The following COMMD7 variants were observed in gnomAD, a reference collection of about 807,000 sequenced individuals.
COMMD7 encodes the protein COMM domain containing 7.
COMMD7 carries 28 observed loss-of-function variants against 34.8 expected under a neutral mutation model. The ratio of observed to expected loss-of-function variants is 0.80; its 90% CI spans 0.60 to 1.10. The LOEUF (loss-of-function observed/expected upper bound fraction) is 1.10. Among genes scored for constraint, COMMD7 ranks in the 50% least tolerant of loss-of-function variants. The pLI is 0.00. For missense variants in COMMD7, 211 were observed against 241.6 expected (o/e 0.87, Z 0.84); for synonymous variants, 80 against 86.4 (o/e 0.93, Z 0.41).
intron 1 of COMMD7, among the ~76,000 whole-genome samples, chr20:32,741,133 A>C (rs1247385614): frequency 7.0e-6 from 1 of 143,320 alleles, no homozygotes; most frequent in Non-Finnish European, 1.5e-5. Flanking sequence ...ACAGAGGAAG[A>C]CTCCGTCTAA....
At chr20:32,727,816 T>C (rs1168249867) in intron 3 of COMMD7, 77 bp downstream of exon 3, 13 of 1,218,540 alleles carry the variant, frequency 1.1e-5, no homozygotes, top group Non-Finnish European at 1.6e-5. Context: ...CCACGGAGCA[T>C]GCTTCAATGA....
chr20:32,738,190 G>A (rs1193406521), intron 1 of COMMD7, among the ~76,000 whole-genome samples: 1 of 152,072 alleles, frequency 6.6e-6, no homozygotes, highest in East Asian at 1.9e-4. Context: ...CAATGCCATG[G>A]TCATAGCTCA....
At chr20:32,737,947 TAAA>T (rs34007684) in intron 1 of COMMD7, among the ~76,000 whole-genome samples, 3 of 144,664 alleles carry the variant, frequency 2.1e-5, no homozygotes. Context: ...TCCAGTATCT[TAAA>T]AAAAAAAAAA....
chr20:32,714,508 T>C (rs375610543), intron 3 of COMMD7, among the ~76,000 whole-genome samples: 6 of 150,962 alleles, frequency 4.0e-5, no homozygotes, highest in African/African-American at 1.5e-4. Context: ...GCCAATATGG[T>C]GAAACCCCGT....
chr20:32,728,889 C>A (rs1985678954), intron 1 of COMMD7, among the ~76,000 whole-genome samples: 1 of 152,062 alleles, frequency 6.6e-6, no homozygotes, highest in African/African-American at 2.4e-5. Flanking sequence ...GTTCCCCCCA[C>A]CCATAAACAT....
chr20:32,731,856 A>T (rs1042137390), intron 1 of COMMD7, among the ~76,000 whole-genome samples: 3 of 152,164 alleles, frequency 2.0e-5, no homozygotes, highest in South Asian at 4.1e-4. Context: ...AATCTTAAGG[A>T]TTCTCCCCAG....
chr20:32,725,510 A>G (rs1392341029), intron 3 of COMMD7, among the ~76,000 whole-genome samples: 1 of 148,798 alleles, frequency 6.7e-6, no homozygotes, highest in African/African-American at 2.5e-5. Context: ...CTCACTGCAA[A>G]CTCCGCCTCC....
chr20:32,743,326 C>T lies in COMMD7; in HGVS notation c.66G>A (p.Leu22=). Residue 22 remains leucine (L), a synonymous_variant, in exon 1 of 9, where the codon CTG becomes CTA. Transcript: ENST00000278980. ...GGCCCACCTGCGCGCCCAGCTGGTTCAGCTGCTGCATGTCGCCGCCCACGG... is the reference window on the plus strand; with the variant it reads ...GGCCCACCTGCGCGCCCAGCTGGTTTAGCTGCTGCATGTCGCCGCCCACGG... ...PEAVGGDMQQ[L]NQLGAQQFSA... is the part of the protein sequence containing the mutation. 1 of 1,498,980 alleles carries T rather than the reference C, an allele frequency of 6.7e-7. No individual in the cohort carries two copies. The highest frequency in any genetic ancestry group is 8.9e-7 in the Non-Finnish European group (1 of 1,128,160). 92.9% of individuals were successfully genotyped at this position (1,498,980 alleles called of 1,614,324 possible). A position where few individuals can be genotyped will look rare whatever the true frequency, so the allele number is the denominator to read the frequency against.
intron 1 of COMMD7, among the ~76,000 whole-genome samples, chr20:32,740,814 A>AG (rs1343025405): frequency 1.5e-4 from 2 of 13,710 alleles, no homozygotes; most frequent in African/African-American, 3.5e-4. Flanking sequence ...ACCCTGCCTC[A>AG]AAAAAAAAAA....
chr20:32,719,851 T>C (rs1205882393), intron 3 of COMMD7, among the ~76,000 whole-genome samples: 1 of 152,016 alleles, frequency 6.6e-6, no homozygotes, highest in African/African-American at 2.4e-5. Context: ...TCCCAGCTAC[T>C]TGGGAGGTTA....
Position 32,707,292 on chromosome 20 carries a change from A to AT in COMMD7, c.242-533_242-532insA, listed in dbSNP as rs1208406589. Among the ~76,000 whole-genome samples the AT allele has an allele frequency of 4.9e-3, 457 of 92,446 alleles. 1 individual carries two copies. Among genetic ancestry groups the AT allele is most frequent in the African/African-American group, 9.5e-3 (300 of 31,710 alleles). 60.6% of individuals were successfully genotyped at this position (92,446 alleles called of 152,430 possible). A position where few individuals can be genotyped will look rare whatever the true frequency, so the allele number is the denominator to read the frequency against. ...GAGCGAGACTCCGTCTCAAAAAAAA[A>AT]AAATATATATATATATACTTATCTC... On this transcript the variant is annotated intron_variant, in intron 3 of 8. Coordinates refer to ENST00000278980, the MANE Select transcript of COMMD7 (RefSeq NM_053041.3).
chr20:32,705,372 A>AT (rs1984014086), intron 5 of COMMD7, among the ~76,000 whole-genome samples: 5 of 83,940 alleles, frequency 6.0e-5, no homozygotes, highest in Non-Finnish European at 1.3e-4. Flanking sequence ...ATATATATAT[A>AT]TATATTTTTT....
At chr20:32,736,695 C>G (rs1986144276) in intron 1 of COMMD7, among the ~76,000 whole-genome samples, 1 of 151,178 alleles carries the variant, frequency 6.6e-6, no homozygotes, top group Admixed American at 6.6e-5. Flanking sequence ...CAAACAACAA[C>G]AACAAAAAAA....
In COMMD7 at chr20:32,726,622, G is replaced by C. The variant is rs149270233; in HGVS notation, c.241+1271C>G. ...GGAGGCTGAGGCAGGAGAATCACTT[G>C]AACCCAGGAAGTGGAGGTTGCGGTG... On this transcript the variant is annotated intron_variant, in intron 3 of 8. Coordinates refer to ENST00000278980, the MANE Select transcript of COMMD7 (RefSeq NM_053041.3). Among the ~76,000 whole-genome samples, 363 of 152,202 alleles carry C rather than the reference G, an allele frequency of 2.4e-3. 3 individuals carry two copies. The highest frequency in any genetic ancestry group is 8.5e-3 in the African/African-American group (353 of 41,528).
Position 32,703,010 on chromosome 20 carries a change from GGGA to G in COMMD7, c.*369_*371del. ...AGCCATAAACAAGCTCTTGCTTTTT[GGGA>G]GGAGGGTGATCAGCATGTTATCTTG... On this transcript the variant is annotated 3_prime_UTR_variant, in exon 9 of 9. Transcript: ENST00000278980. 5.5e-6 allele frequency: 1 copy of G among 182,146 alleles called. No individual in the cohort carries two copies. Among genetic ancestry groups the G allele is most frequent in the Non-Finnish European group, 1.2e-5 (1 of 86,924 alleles). The allele number at this position is 182,146 out of a possible 1,614,324, so 11.3% of individuals were successfully genotyped here.
At chr20:32,721,065 T>A (rs1314863233) in intron 3 of COMMD7, among the ~76,000 whole-genome samples, 4 of 152,132 alleles carry the variant, frequency 2.6e-5, no homozygotes, top group Non-Finnish European at 5.9e-5. Context: ...TAGTTACAGA[T>A]AAAAAACATA....
At chr20:32,718,711 TAATAA>T (rs1298317055) in intron 3 of COMMD7, among the ~76,000 whole-genome samples, 1 of 146,464 alleles carries the variant, frequency 6.8e-6, no homozygotes, top group African/African-American at 2.5e-5. Context: ...ATAAATACAT[TAATAA>T]AATAAAATAA....
rs568061531 is a variant in COMMD7 at position 32,731,898 on chromosome 20, C to T, written c.85-3756G>A. 2.0e-5 allele frequency among the ~76,000 whole-genome samples: 3 copies of T among 152,304 alleles called. No homozygotes were observed. In the South Asian group the frequency reaches 6.2e-4, roughly 32 times the overall value. On this transcript the variant is annotated intron_variant, in intron 1 of 8. Coordinates refer to ENST00000278980, the MANE Select transcript of COMMD7 (RefSeq NM_053041.3). The stretch of plus-strand genomic sequence containing the variant: ...TAGGAAGAGATGCACAAGGTCATTC[C>T]AGACTAGAGAAATGCAAATCAGTAA...
intron 3 of COMMD7, among the ~76,000 whole-genome samples, chr20:32,715,439 T>C (rs892193515): frequency 9.5e-5 from 14 of 147,268 alleles, no homozygotes; most frequent in Admixed American, 4.1e-4. Context: ...GCAGAGACTG[T>C]GCCACTGCAC....
Sources: allele counts gnomAD v4.1 joint callset (sites outside exome capture counted in the v4.1 genomes callset), GRCh38; gene constraint gnomAD v4.1.1; transcripts MANE v1.5; gene names NCBI Gene and HGNC (gene_info 2026-07-23, HGNC 2026-07-21).